DCLK3: variants seen among roughly 807,000 people sequenced by gnomAD.
The protein encoded by DCLK3 is doublecortin like kinase 3, also known as serine/threonine-protein kinase DCLK3.
In DCLK3, 30 loss-of-function variants were observed where a neutral mutation model predicts 46.4. The observed-to-expected ratio is 0.65, with a 90% CI of 0.48 to 0.88. DCLK3 has a LOEUF of 0.88. Among genes scored for constraint, DCLK3 ranks in the 40% least tolerant of loss-of-function variants. The pLI, the probability that DCLK3 is intolerant of heterozygous loss-of-function variation, is 0.00. For missense variants in DCLK3, 846 were observed against 907.1 expected, an observed-to-expected ratio of 0.93 and a Z score of 0.87; for synonymous variants, 401 against 339.2, an observed-to-expected ratio of 1.18 and a Z score of -2.00.
intron 1 of DCLK3, among the ~76,000 whole-genome samples, chr3:36,752,216 G>A (rs56281634): frequency 0.042 from 6,437 of 152,236 alleles, 209 homozygotes; most frequent in Non-Finnish European, 0.067. Context: ...GTGTGGGGAG[G>A]GGTACCAAAG....
intron 1 of DCLK3, among the ~76,000 whole-genome samples, chr3:36,751,061 TCTAAAAAAAAAA>T (rs1369998896): frequency 1.8e-4 from 5 of 28,230 alleles, no homozygotes; most frequent in Non-Finnish European, 2.3e-4. Context: ...GACGGGATGA[TCTAAAAAAAAAA>T]AAAAAAAAAA....
intron 1 of DCLK3, 79 bp from the exon 2 acceptor site, chr3:36,739,163 A>G: frequency 2.5e-6 from 1 of 397,720 alleles, no homozygotes; most frequent in Non-Finnish European, 4.4e-6. Context: ...ACTTTACTAA[A>G]GATGACTGAC....
intron 2 of DCLK3, among the ~76,000 whole-genome samples, chr3:36,735,485 C>T (rs759590941): frequency 3.9e-5 from 6 of 152,208 alleles, no homozygotes; most frequent in Non-Finnish European, 5.9e-5. Context: ...GACCTCATTT[C>T]ACTGGATAAT....
intron 2 of DCLK3, among the ~76,000 whole-genome samples, chr3:36,729,256 G>A (rs1029472908): frequency 2.0e-5 from 3 of 151,548 alleles, no homozygotes; most frequent in South Asian, 2.1e-4. Flanking sequence ...TGTGGGGGGG[G>A]GGGGTACAAA....
Position 36,737,876 on chromosome 3 carries a change from T to A in DCLK3, c.1291A>T (p.Lys431Ter). ...CTCCTGCTCATGGGCCTGGTGTCCT[T>A]CTTCACCTCCCTCAGCCCCTCCTCT... ...VTEEGLREVK[K>*]DTRPMSRSKH... Residue 431 changes from lysine to a stop codon, truncating the protein, a stop_gained, in exon 2 of 5, where the codon AAG (lysine) becomes TAG (stop). Coordinates refer to ENST00000636136, the MANE Select transcript of DCLK3 (RefSeq NM_001394672.2). LOFTEE classifies it high-confidence loss of function. The surrounding 1 kb of genome is among the most constrained non-coding windows in gnomAD (Gnocchi z 4.4). 1 of 1,613,954 alleles carries A rather than the reference T, an allele frequency of 6.2e-7. No individual in the cohort carries two copies. The highest frequency in any genetic ancestry group is 8.5e-7 in the Non-Finnish European group (1 of 1,180,016).
At chr3:36,756,703 G>GAGATTGAGGGA (rs1402065022) in intron 1 of DCLK3, among the ~76,000 whole-genome samples, 1 of 152,078 alleles carries the variant, frequency 6.6e-6, no homozygotes, top group Non-Finnish European at 1.5e-5. Context: ...AACCAACCCT[G>GAGATTGAGGGA]AGACCCAAAG....
intron 2 of DCLK3, among the ~76,000 whole-genome samples, chr3:36,730,701 A>G (rs968578355): frequency 6.6e-6 from 1 of 152,126 alleles, no homozygotes; most frequent in African/African-American, 2.4e-5. Context: ...ACATTGGGCT[A>G]TGCAGATACA....
intron 1 of DCLK3, among the ~76,000 whole-genome samples, chr3:36,744,591 C>T (rs959910902): frequency 6.6e-6 from 1 of 152,220 alleles, no homozygotes; most frequent in East Asian, 1.9e-4. Flanking sequence ...TAATGTCTTA[C>T]TTATTGCTGA....
chr3:36,724,079 T>C (rs1204756074), intron 2 of DCLK3, among the ~76,000 whole-genome samples: 1 of 152,228 alleles, frequency 6.6e-6, no homozygotes, highest in East Asian at 1.9e-4. Context: ...ACCTCTTGCA[T>C]TAGCGTGACC....
In DCLK3 at chr3:36,737,310, C is replaced by A; in HGVS notation, c.1857G>T (p.Pro619=). Residue 619 remains proline, a synonymous_variant, in exon 2 of 5, where the codon CCG becomes CCT. Transcript: ENST00000636136. The surrounding 1 kb of genome is among the most constrained non-coding windows in gnomAD (Gnocchi z 4.4). ...TGATCATGAGGGCAGCATCGGGCTC[C>A]GGGAACTTCACACTTTCTATGATGG... The part of the protein sequence containing the change: ...FDAIIESVKF[P]EPDAALMIMD... 1 of 1,614,068 alleles carries A rather than the reference C, an allele frequency of 6.2e-7. No homozygotes were observed. The highest frequency in any genetic ancestry group is 8.5e-7 in the Non-Finnish European group (1 of 1,180,030).
intron 4 of DCLK3, among the ~76,000 whole-genome samples, chr3:36,716,011 A>G (rs895227102): frequency 2.0e-5 from 3 of 152,226 alleles, no homozygotes; most frequent in African/African-American, 7.2e-5. Flanking sequence ...AATATGTTCA[A>G]TCTTTCCAAG....
chr3:36,760,292 T>A (rs1214302663), intron 1 of DCLK3, among the ~76,000 whole-genome samples: 2 of 152,198 alleles, frequency 1.3e-5, no homozygotes, highest in East Asian at 3.8e-4. Context: ...GTACTCAAAA[T>A]GTGGTCCCTA....
chr3:36,747,536 C>T (rs1701403738), intron 1 of DCLK3, among the ~76,000 whole-genome samples: 1 of 151,858 alleles, frequency 6.6e-6, no homozygotes. Context: ...GTTTGTTATG[C>T]ATATTCCTCT....
At chr3:36,734,721 G>GTCTC (rs147153084) in intron 2 of DCLK3, among the ~76,000 whole-genome samples, 1 of 150,392 alleles carries the variant, frequency 6.6e-6, no homozygotes, top group Non-Finnish European at 1.5e-5. Context: ...TTCTCTCTCT[G>GTCTC]TCTCTCTCTC....
chr3:36,733,336 G>A (rs1442398102), intron 2 of DCLK3, among the ~76,000 whole-genome samples: 1 of 152,164 alleles, frequency 6.6e-6, no homozygotes, highest in Non-Finnish European at 1.5e-5. Flanking sequence ...TGTTTCCAGT[G>A]CAGGAACACA....
intron 2 of DCLK3, among the ~76,000 whole-genome samples, chr3:36,728,818 A>C (rs1454111410): frequency 2.0e-5 from 3 of 152,180 alleles, no homozygotes; most frequent in Non-Finnish European, 2.9e-5. Flanking sequence ...TCTGGCTAAT[A>C]CAACAACCAA....
At chr3:36,736,376 T>G (rs182593692) in intron 2 of DCLK3, among the ~76,000 whole-genome samples, 49 of 152,336 alleles carry the variant, frequency 3.2e-4, no homozygotes, top group South Asian at 6.2e-4. Context: ...ATATGTGGTT[T>G]GGACAATATT....
At chr3:36,731,437 T>A (rs1701196768) in intron 2 of DCLK3, among the ~76,000 whole-genome samples, 1 of 131,310 alleles carries the variant, frequency 7.6e-6, no homozygotes, top group African/African-American at 2.9e-5. Context: ...CATTCTATGA[T>A]CTCCTTCGTG....
chr3:36,718,134 G>A lies in DCLK3; in HGVS notation c.2136C>T (p.Leu712=), dbSNP rs774056976. The change falls in exon 4 of 5, where the codon CTC becomes CTT. Residue 712 remains leucine, a synonymous_variant. Transcript: ENST00000636136. ...EVDMWAAGVI[L]YILLCGFPPF... The stretch of plus-strand genomic sequence containing the variant: ...GGGGAAAGCCACACAGCAGGATATA[G>A]AGGATCACGCCAGCAGCCCACATGT... 1 of 1,614,034 alleles carries A rather than the reference G, an allele frequency of 6.2e-7. No homozygotes were observed. Among genetic ancestry groups the A allele is most frequent in the Non-Finnish European group, 8.5e-7 (1 of 1,180,034 alleles).
Sources: gnomAD v4.1 joint callset for allele counts (sites outside exome capture counted in the v4.1 genomes callset) on GRCh38, gnomAD v4.1.1 for gene constraint, Gnocchi (gnomAD v3.1) non-coding constraint, MANE v1.5 for transcripts, NCBI Gene and HGNC (gene_info 2026-07-23, HGNC 2026-07-21) for gene names.